Variants in CEP85L observed in about 807,000 individuals in gnomAD.
The protein encoded by CEP85L is centrosomal protein 85L.
CEP85L carries 60 observed loss-of-function variants against 100.3 expected under a neutral mutation model. The observed-to-expected ratio is 0.60, with a 90% confidence interval of 0.49 to 0.74. The LOEUF is 0.74. Among genes scored for constraint, CEP85L ranks in the 30% least tolerant of loss-of-function variants. The pLI, the probability that CEP85L is intolerant of heterozygous loss-of-function variation, is 0.00. For missense variants in CEP85L, 973 were observed against 936.2 expected, an observed-to-expected ratio of 1.04 and a Z score of -0.51; for synonymous variants, 319 against 322.7, an observed-to-expected ratio of 0.99 and a Z score of 0.12.
At chr6:118,598,576 T>C (rs1022102376) in intron 2 of CEP85L, among the ~76,000 whole-genome samples, 1 of 152,148 alleles carries the variant, frequency 6.6e-6, no homozygotes, top group Non-Finnish European at 1.5e-5. Flanking sequence ...ACTGGAGTTA[T>C]GGTGCCACAA....
At chr6:118,526,445 C>T (rs921145881) in intron 3 of CEP85L, among the ~76,000 whole-genome samples, 3 of 152,158 alleles carry the variant, frequency 2.0e-5, no homozygotes, top group Non-Finnish European at 4.4e-5. Flanking sequence ...AAGTCAGTCC[C>T]GCAAAATCTT....
At chr6:118,524,442 T>TAAACAAAC (rs149343537) in intron 3 of CEP85L, among the ~76,000 whole-genome samples, 3 of 151,972 alleles carry the variant, frequency 2.0e-5, no homozygotes, top group Non-Finnish European at 4.4e-5. Flanking sequence ...AGACTCTGTC[T>TAAACAAAC]AAACAAACAA....
chr6:118,613,621 G>A (rs1016480890), intron 2 of CEP85L, among the ~76,000 whole-genome samples: 1 of 151,854 alleles, frequency 6.6e-6, no homozygotes, highest in Non-Finnish European at 1.5e-5. Flanking sequence ...GCCCGGCGTG[G>A]TGGCACACAC....
intron 2 of CEP85L, among the ~76,000 whole-genome samples, chr6:118,610,267 G>A (rs536371765): frequency 1.8e-4 from 28 of 152,132 alleles, no homozygotes; most frequent in African/African-American, 5.5e-4. Flanking sequence ...TTATCTTCTG[G>A]GAACCTACAC....
Position 118,469,322 on chromosome 6 carries a change from C to T in CEP85L, c.2023-19G>A, listed in dbSNP as rs770290333. ...TTTGGTTCTGCAAGGATAAAGAAAA[C>T]AAACATCAGATTGTTAGAACAGAGG... On this transcript the variant is annotated intron_variant, in intron 11 of 12. Coordinates refer to ENST00000368491, the MANE Select transcript of CEP85L (RefSeq NM_001042475.3). 1.3e-6 allele frequency: 2 copies of T among 1,582,236 alleles called. No homozygotes were observed. Among genetic ancestry groups the T allele is most frequent in the African/African-American group, 2.7e-5 (2 of 74,240 alleles).
Position 118,470,549 on chromosome 6 carries a change from T to C in CEP85L, c.2010A>G (p.Lys670=). The change falls in exon 11 of 13, where the codon AAA becomes AAG. Residue 670 remains lysine, a synonymous_variant. Transcript: ENST00000368491. ...TTCTTCTACTCACTTCAAGCAATGC[T>C]TTTGTTAATCTCTGTACATTTCTTT... ...KKERNVQRLT[K]ALLENQRQTD... 6.3e-7 allele frequency: 1 copy of C among 1,587,108 alleles called. No homozygotes were observed. Among genetic ancestry groups the C allele is most frequent in the Non-Finnish European group, 8.6e-7 (1 of 1,166,410 alleles).
At chr6:118,546,670 T>G (rs1778221500) in intron 3 of CEP85L, among the ~76,000 whole-genome samples, 1 of 152,132 alleles carries the variant, frequency 6.6e-6, no homozygotes, top group African/African-American at 2.4e-5. Context: ...TGGATTTGAA[T>G]CCTGTCTATT....
At chr6:118,627,226 A>G (rs1773859492) in intron 2 of CEP85L, among the ~76,000 whole-genome samples, 1 of 151,486 alleles carries the variant, frequency 6.6e-6, no homozygotes, top group Non-Finnish European at 1.5e-5. Context: ...AAAGGAAACA[A>G]TACAATTAAA....
At chr6:118,584,962 G>A (rs1456900340) in intron 2 of CEP85L, among the ~76,000 whole-genome samples, 3 of 152,166 alleles carry the variant, frequency 2.0e-5, no homozygotes, top group Non-Finnish European at 2.9e-5. Context: ...ATCTGAGCAT[G>A]ACTATGAACA....
intron 1 of CEP85L, among the ~76,000 whole-genome samples, chr6:118,686,169 A>G (rs1776822414): frequency 6.6e-6 from 1 of 151,438 alleles, no homozygotes; most frequent in South Asian, 2.1e-4. Context: ...TGCTCGGAAG[A>G]TATATGTTCT....
At chr6:118,498,179 A>C (rs1775042598) in intron 5 of CEP85L, among the ~76,000 whole-genome samples, 1 of 152,130 alleles carries the variant, frequency 6.6e-6, no homozygotes, top group African/African-American at 2.4e-5. Context: ...GAAAGAGAAA[A>C]ATTGATTAAT....
intron 1 of CEP85L, among the ~76,000 whole-genome samples, chr6:118,646,369 T>A (rs1434414889): frequency 6.6e-6 from 1 of 152,014 alleles, no homozygotes; most frequent in Non-Finnish European, 1.5e-5. Flanking sequence ...ATGAATAACA[T>A]GTTATTGCTT....
intron 3 of CEP85L, among the ~76,000 whole-genome samples, chr6:118,562,383 A>T (rs180981236): frequency 2.0e-5 from 3 of 152,164 alleles, no homozygotes; most frequent in Middle Eastern, 3.4e-3. Context: ...TTAAATCAAG[A>T]GACAGGGTGT....
intron 1 of CEP85L, among the ~76,000 whole-genome samples, chr6:118,639,777 C>A (rs1036372425): frequency 1.3e-5 from 2 of 152,160 alleles, no homozygotes; most frequent in East Asian, 3.8e-4. Context: ...GTCATTATAA[C>A]CACTGGATAC....
chr6:118,571,563 T>C (rs545148924), intron 2 of CEP85L, among the ~76,000 whole-genome samples: 1 of 152,282 alleles, frequency 6.6e-6, no homozygotes, highest in African/African-American at 2.4e-5. Flanking sequence ...ATTGATTCTA[T>C]CTTCTCTTAT....
chr6:118,485,402 T>C, intron 6 of CEP85L, among the ~76,000 whole-genome samples: 1 of 152,094 alleles, frequency 6.6e-6, no homozygotes, highest in East Asian at 1.9e-4. Context: ...TGTATAACAA[T>C]TTTTAAAACT....
chr6:118,655,591 G>C (rs1158919974), upstream of CEP85L, among the ~76,000 whole-genome samples: 1 of 152,210 alleles, frequency 6.6e-6, no homozygotes, highest in Non-Finnish European at 1.5e-5. Flanking sequence ...AAGGTTGGAA[G>C]TGTGGATTCA....
chr6:118,511,375 C>T lies in CEP85L; in HGVS notation c.1180G>A (p.Asp394Asn), dbSNP rs1189070961. 6 of 1,613,060 alleles carry T rather than the reference C, an allele frequency of 3.7e-6. No homozygotes were observed. Among genetic ancestry groups the T allele is most frequent in the Non-Finnish European group, 4.2e-6 (5 of 1,179,376 alleles). Residue 394 changes from aspartate (D) to asparagine (N), a missense_variant, in exon 5 of 13, where the codon GAT (aspartate) becomes AAT (asparagine). Transcript: ENST00000368491. ...QITHLHERIR[D>N]NELRAQHAML... is the part of the protein sequence containing the mutation. ...GCATGTTGAGCCCGTAATTCATTATCCCTTATCCTCTCATGCAGGTGGGTA... is the reference window on the plus strand; with the variant it reads ...GCATGTTGAGCCCGTAATTCATTATTCCTTATCCTCTCATGCAGGTGGGTA...
chr6:118,688,159 AC>A (rs1019988168), intron 1 of CEP85L, among the ~76,000 whole-genome samples: 51 of 151,730 alleles, frequency 3.4e-4, no homozygotes, highest in Non-Finnish European at 1.0e-4. Flanking sequence ...ACACCACCAC[AC>A]CCGGCTAATT....
Sources: gnomAD v4.1 joint callset for allele counts (sites outside exome capture counted in the v4.1 genomes callset) on GRCh38, gnomAD v4.1.1 for gene constraint, MANE v1.5 for transcripts, NCBI Gene and HGNC (gene_info 2026-07-23, HGNC 2026-07-21) for gene names.